The following CSMD3 variants were observed in gnomAD, a reference collection of about 807,000 sequenced individuals.
CSMD3 encodes the protein CUB and sushi domain-containing protein 3.
CSMD3 carries 177 observed loss-of-function variants against 435.2 expected under a neutral mutation model. That is an observed-to-expected ratio of 0.41 (90% CI 0.36 to 0.46). The LOEUF (loss-of-function observed/expected upper bound fraction) is 0.46, where lower values mean the gene tolerates loss of function less well. Ranked by LOEUF, CSMD3 falls within the 20% of genes least tolerant of loss-of-function variation. The pLI is 0.34. For missense variants in CSMD3, 4,265 were observed against 4,504.6 expected, an observed-to-expected ratio of 0.95 and a Z score of 1.52; for synonymous variants, 1,656 against 1,520.5, an observed-to-expected ratio of 1.09 and a Z score of -2.07.
chr8:112,242,569 G>A (rs1324271996), intron 65 of CSMD3, among the ~76,000 whole-genome samples: 3 of 151,934 alleles, frequency 2.0e-5, no homozygotes, highest in African/African-American at 2.4e-5. Context: ...GGGAACAGAC[G>A]AAAAAGCTAT....
intron 4 of CSMD3, among the ~76,000 whole-genome samples, chr8:113,126,966 T>A (rs2091150721): frequency 6.6e-6 from 1 of 151,996 alleles, no homozygotes; most frequent in Non-Finnish European, 1.5e-5. Context: ...AACTTTTGCT[T>A]CCAGCATAAT....
At chr8:113,244,223 T>C (rs1486955128) in intron 3 of CSMD3, among the ~76,000 whole-genome samples, 1 of 152,216 alleles carries the variant, frequency 6.6e-6, no homozygotes, top group African/African-American at 2.4e-5. Context: ...AAATAAATCA[T>C]CGCCTAATGC....
intron 5 of CSMD3, among the ~76,000 whole-genome samples, chr8:113,055,799 T>C (rs75181698): frequency 1.3e-5 from 2 of 152,304 alleles, no homozygotes; most frequent in East Asian, 1.9e-4. Context: ...TTCTCCATAG[T>C]AGAGGCAAGG....
At chr8:113,189,544 TAATC>T (rs561083901) in intron 3 of CSMD3, among the ~76,000 whole-genome samples, 15 of 151,964 alleles carry the variant, frequency 9.9e-5, no homozygotes, top group Middle Eastern at 6.8e-3. Context: ...AAAACACTCT[TAATC>T]AAGCATATAA....
chr8:112,596,193 A>C (rs1044750897), intron 22 of CSMD3, among the ~76,000 whole-genome samples: 80 of 150,370 alleles, frequency 5.3e-4, no homozygotes, highest in African/African-American at 1.8e-3. Flanking sequence ...ATTGGAAAAC[A>C]AAAAAAGGCA....
intron 32 of CSMD3, among the ~76,000 whole-genome samples, chr8:112,421,941 C>A (rs1469623683): frequency 6.6e-6 from 1 of 151,902 alleles, no homozygotes; most frequent in East Asian, 1.9e-4. Context: ...GCACTATCAT[C>A]TCTGTTTTGC....
At chr8:113,278,839 C>G (rs936806746) in intron 2 of CSMD3, 135 bp from the exon 3 acceptor site, 2 of 613,492 alleles carry the variant, frequency 3.3e-6, no homozygotes, top group Admixed American at 2.3e-5. Context: ...TGCTATCCAG[C>G]CAACACCTTG....
At chr8:112,336,166 T>A (rs1334375364) in intron 44 of CSMD3, among the ~76,000 whole-genome samples, 1 of 152,148 alleles carries the variant, frequency 6.6e-6, no homozygotes, top group Non-Finnish European at 1.5e-5. Flanking sequence ...CACTGTGGCC[T>A]CCCAAAGTGC....
chr8:113,241,947 C>CTA (rs753893968), intron 3 of CSMD3, among the ~76,000 whole-genome samples: 4,541 of 149,238 alleles, frequency 0.03, 87 homozygotes, highest in Admixed American at 0.041. Context: ...TAAAAAATTA[C>CTA]TATATATATA....
rs777486805 is a variant in CSMD3, at chr8:113,173,800, C to G, written c.631G>C (p.Asp211His). 7.4e-6 allele frequency: 12 copies of G among 1,613,738 alleles called. No homozygotes were observed. Among genetic ancestry groups the G allele is most frequent in the Non-Finnish European group, 9.3e-6 (11 of 1,179,818 alleles). ...RYSCVTGYIL[D>H]GHPQLTCIAN... The stretch of plus-strand genomic sequence containing the variant: ...ATGCAGGTGAGCTGAGGGTGGCCAT[C>G]AAGGATGTATCCAGTTACACAGCTG... The change falls in exon 4 of 71, where the codon GAT (aspartate) becomes CAT (histidine). Residue 211 changes from aspartate (D) to histidine (H), a missense_variant. Asp to His is a moderately conservative substitution (Grantham distance 81). Transcript: ENST00000297405.
At position 112,223,973 on chromosome 8, in the gene CSMD3, C is replaced by T. The variant is rs988714473; in HGVS notation, c.*798G>A. On this transcript the variant is annotated 3_prime_UTR_variant, in exon 71 of 71. Coordinates refer to ENST00000297405, the MANE Select transcript of CSMD3 (RefSeq NM_198123.2). ...AGGAAACATACTGAAGCTACTATCA[C>T]ATTTGGGATTAAAAAATAATAAAAA... The T allele has an allele frequency of 6.6e-6, 1 of 152,048 alleles. No individual in the cohort carries two copies. Among genetic ancestry groups the T allele is most frequent in the Admixed American group, 6.6e-5 (1 of 15,260 alleles). 9.4% of individuals were successfully genotyped at this position (152,048 alleles called of 1,614,324 possible).
chr8:112,306,340 C>T (rs772752645), intron 50 of CSMD3, 148 bp from the exon 51 acceptor site: 26 of 675,446 alleles, frequency 3.8e-5, no homozygotes, highest in East Asian at 1.1e-4. Flanking sequence ...AAATACTTTC[C>T]GAACCATAAA....
chr8:112,954,171 T>G (rs985461538), intron 8 of CSMD3, among the ~76,000 whole-genome samples: 1 of 151,546 alleles, frequency 6.6e-6, no homozygotes, highest in Admixed American at 6.6e-5. Context: ...AAGAAGTGAA[T>G]AGCAATAATT....
chr8:112,666,268 T>C lies in CSMD3; in HGVS notation c.2816+9A>G, dbSNP rs770651234. On this transcript the variant is annotated intron_variant, in intron 17 of 70. Transcript: ENST00000297405. Reference sequence around the variant, plus strand: ...TTTTCTTTAAAAGTAGGAAAAATATTTGTGAGACCTTTCAAATGTAATTTT... The same window carrying C: ...TTTTCTTTAAAAGTAGGAAAAATATCTGTGAGACCTTTCAAATGTAATTTT... 2.0e-5 allele frequency: 32 copies of C among 1,602,784 alleles called. No homozygotes were observed. The highest frequency in any genetic ancestry group is 1.7e-4 in the African/African-American group (13 of 74,668).
intron 1 of CSMD3, among the ~76,000 whole-genome samples, chr8:113,336,171 AT>A (rs2094072947): frequency 6.6e-6 from 1 of 151,114 alleles, no homozygotes; most frequent in African/African-American, 2.4e-5. Flanking sequence ...TTCTTAGATT[AT>A]TTTCTTTGTT....
At chr8:112,750,755 C>T (rs1189866557) in intron 13 of CSMD3, among the ~76,000 whole-genome samples, 3 of 151,942 alleles carry the variant, frequency 2.0e-5, no homozygotes, top group Non-Finnish European at 4.4e-5. Flanking sequence ...CAATTCAATT[C>T]CTGCTATTAC....
chr8:112,525,826 AATAT>A (rs1166463752), intron 27 of CSMD3, among the ~76,000 whole-genome samples: 3 of 135,332 alleles, frequency 2.2e-5, no homozygotes, highest in Non-Finnish European at 3.2e-5. Flanking sequence ...ACATATAAAA[AATAT>A]ATATATATAT....
chr8:112,909,783 T>C (rs1200712484), intron 10 of CSMD3, among the ~76,000 whole-genome samples: 5 of 151,804 alleles, frequency 3.3e-5, no homozygotes, highest in Non-Finnish European at 5.9e-5. Flanking sequence ...ATCGGTGCCA[T>C]TTCCAGCTCG....
chr8:112,693,379 T>G (rs1214660331), intron 13 of CSMD3, among the ~76,000 whole-genome samples: 1 of 152,078 alleles, frequency 6.6e-6, no homozygotes, highest in Non-Finnish European at 1.5e-5. Context: ...CTTCTTCATC[T>G]GAAAATGTCT....
Sources: allele counts gnomAD v4.1 joint callset (sites outside exome capture counted in the v4.1 genomes callset), GRCh38; gene constraint gnomAD v4.1.1; transcripts MANE v1.5; gene names NCBI Gene and HGNC (gene_info 2026-07-23, HGNC 2026-07-21).